Variants in MVB12B observed in about 807,000 individuals in gnomAD.
The protein encoded by MVB12B is multivesicular body subunit 12B, also known as ESCRT-I complex subunit MVB12B.
A neutral mutation model predicts 41.6 loss-of-function variants in MVB12B; 16 were observed. That is an observed-to-expected ratio of 0.38 (90% CI 0.26 to 0.58). MVB12B has a LOEUF of 0.58. Among genes scored for constraint, MVB12B ranks in the 20% least tolerant of loss-of-function variants. The probability of loss-of-function intolerance (pLI) is 0.62; values close to 1 mark genes in which losing one functional copy is unlikely to be tolerated. For missense variants in MVB12B, 274 were observed against 380.2 expected, an observed-to-expected ratio of 0.72 and a Z score of 2.32; for synonymous variants, 133 against 139.7, an observed-to-expected ratio of 0.95 and a Z score of 0.34.
At chr9:126,414,609 C>A (rs1248262526) in intron 6 of MVB12B, among the ~76,000 whole-genome samples, 1 of 152,164 alleles carries the variant, frequency 6.6e-6, no homozygotes, top group Non-Finnish European at 1.5e-5. Flanking sequence ...GCCAGAAGGC[C>A]TTCACCTCCT....
At chr9:126,387,776 G>GA (rs1356317782) in intron 4 of MVB12B, among the ~76,000 whole-genome samples, 3 of 152,102 alleles carry the variant, frequency 2.0e-5, no homozygotes, top group Non-Finnish European at 4.4e-5. Context: ...ATCTTCAGAA[G>GA]ACCCCTCTTT....
chr9:126,416,690 C>T (rs997100712), intron 6 of MVB12B, among the ~76,000 whole-genome samples: 4 of 152,196 alleles, frequency 2.6e-5, no homozygotes, highest in African/African-American at 7.2e-5. Flanking sequence ...ACCTAGCTTT[C>T]CCTTCATCAG....
intron 9 of MVB12B, among the ~76,000 whole-genome samples, chr9:126,491,680 C>T (rs181458242): frequency 1.3e-3 from 201 of 152,266 alleles, no homozygotes; most frequent in African/African-American, 4.7e-3. Context: ...AGTCTGCTCC[C>T]TTTAATATAT....
At chr9:126,431,339 A>G (rs1338334913) in intron 7 of MVB12B, among the ~76,000 whole-genome samples, 2 of 152,184 alleles carry the variant, frequency 1.3e-5, no homozygotes, top group African/African-American at 4.8e-5. Flanking sequence ...TGACAGAATG[A>G]TGGCTTGGGG....
At chr9:126,417,012 G>A (rs1376153928) in intron 6 of MVB12B, among the ~76,000 whole-genome samples, 3 of 152,200 alleles carry the variant, frequency 2.0e-5, no homozygotes, top group Non-Finnish European at 4.4e-5. Context: ...GGCCCAAACT[G>A]TTCATTCTCA....
At position 126,340,755 on chromosome 9, in the gene MVB12B, G is replaced by A. The variant is rs1829424004; in HGVS notation, c.204+125G>A. 2 of 1,172,606 alleles carry A rather than the reference G, an allele frequency of 1.7e-6. No individual in the cohort carries two copies. The highest frequency in any genetic ancestry group is 1.5e-5 in the African/African-American group (1 of 65,124). The allele number at this position is 1,172,606 out of a possible 1,614,324, so 72.6% of individuals were successfully genotyped here. ...CTTCCCTCTAGGAACTTAATCCAGGGAGGGCGTGGAGAGCATCCTGGTTTG... is the reference window on the plus strand; with the variant it reads ...CTTCCCTCTAGGAACTTAATCCAGGAAGGGCGTGGAGAGCATCCTGGTTTG... On this transcript the variant is annotated intron_variant, in intron 2 of 9. Coordinates refer to ENST00000361171, the MANE Select transcript of MVB12B (RefSeq NM_033446.3). This position sits in a 1 kb window ranked among gnomAD's most constrained non-coding sequence, Gnocchi z 4.0.
intron 1 of MVB12B, among the ~76,000 whole-genome samples, chr9:126,331,404 C>A (rs773613437): frequency 2.6e-5 from 4 of 152,142 alleles, no homozygotes; most frequent in Non-Finnish European, 2.9e-5. Flanking sequence ...GTTGGCTATT[C>A]GTATATTGTC....
At chr9:126,402,250 A>T (rs912832797) in intron 6 of MVB12B, among the ~76,000 whole-genome samples, 3 of 152,118 alleles carry the variant, frequency 2.0e-5, no homozygotes, top group African/African-American at 7.2e-5. Flanking sequence ...ATAAATTGTG[A>T]CATGGATTTT....
chr9:126,438,408 A>T (rs1170368273), intron 7 of MVB12B, among the ~76,000 whole-genome samples: 1 of 152,182 alleles, frequency 6.6e-6, no homozygotes, highest in Non-Finnish European at 1.5e-5. Context: ...GTATCCAAAA[A>T]AAAAAAGTCT....
At chr9:126,458,792 C>G (rs368891056) in intron 7 of MVB12B, among the ~76,000 whole-genome samples, 1 of 152,098 alleles carries the variant, frequency 6.6e-6, no homozygotes, top group Non-Finnish European at 1.5e-5. Flanking sequence ...CAGGGAAGCA[C>G]AGAAAGGTTC....
intron 6 of MVB12B, among the ~76,000 whole-genome samples, chr9:126,411,715 T>C (rs1017003896): frequency 6.6e-6 from 1 of 151,880 alleles, no homozygotes; most frequent in Non-Finnish European, 1.5e-5. Context: ...CTCCCTGAGG[T>C]TGGCTCCAAA....
intron 2 of MVB12B, among the ~76,000 whole-genome samples, chr9:126,377,642 T>C (rs1381903405): frequency 6.6e-6 from 1 of 152,070 alleles, no homozygotes; most frequent in Non-Finnish European, 1.5e-5. Flanking sequence ...TCAGGCATTG[T>C]GCTTGGCACA....
At position 126,376,741 on chromosome 9, in the gene MVB12B, G is replaced by C; in HGVS notation, c.205-4323G>C. Reference sequence around the variant, plus strand: ...TGCACCTCCTCCCCCACCTCCTCCTGACCTCCAGCCTCCTTCCCCACCTGC... The same window carrying C: ...TGCACCTCCTCCCCCACCTCCTCCTCACCTCCAGCCTCCTTCCCCACCTGC... On this transcript the variant is annotated intron_variant, in intron 2 of 9. Coordinates refer to ENST00000361171, the MANE Select transcript of MVB12B (RefSeq NM_033446.3). The surrounding 1 kb of genome is among the most constrained non-coding windows in gnomAD (Gnocchi z 4.1). 2 of 1,238,122 alleles carry C rather than the reference G, an allele frequency of 1.6e-6. No homozygotes were observed. Among genetic ancestry groups the C allele is most frequent in the Non-Finnish European group, 2.1e-6 (2 of 959,876 alleles). 76.7% of individuals were successfully genotyped at this position (1,238,122 alleles called of 1,614,324 possible).
chr9:126,439,236 G>T (rs533148179), intron 7 of MVB12B, among the ~76,000 whole-genome samples: 7 of 152,048 alleles, frequency 4.6e-5, no homozygotes, highest in Non-Finnish European at 1.0e-4. Context: ...TGGGAGCTCT[G>T]AGAGCTCTGG....
rs932134134 is a variant in MVB12B at position 126,459,714 on chromosome 9, T to A, written c.758-21655T>A. 3.9e-5 allele frequency among the ~76,000 whole-genome samples: 6 copies of A among 151,964 alleles called. No homozygotes were observed. The highest frequency in any genetic ancestry group is 8.8e-5 in the Non-Finnish European group (6 of 67,988). On this transcript the variant is annotated intron_variant, in intron 7 of 9. Coordinates refer to ENST00000361171, the MANE Select transcript of MVB12B (RefSeq NM_033446.3). The surrounding 1 kb of genome is among the most constrained non-coding windows in gnomAD (Gnocchi z 4.3). ...CTTCTGGATGTGGGGCAGCTTGGAG[T>A]GCGCAGTTGTTACAGCGCTCACAGG...
rs770377005 is a variant in MVB12B at position 126,392,186 on chromosome 9, C to T, written c.530C>T (p.Thr177Met). The T allele has an allele frequency of 3.3e-5, 53 of 1,614,014 alleles. No homozygotes were observed. In the Admixed American group the frequency reaches 7.2e-4, roughly 22 times the overall value. ...ACCAAGCAGGCCCCGCCTCAGTACA[C>T]GTTTATTGGGTGAGTCTTAATAACA... ...GRTKQAPPQY[T>M]FIGELNSMGI... Residue 177 changes from threonine to methionine, a missense_variant, in exon 5 of 10, where the codon ACG becomes ATG. Thr to Met is a moderately conservative substitution (Grantham distance 81). Coordinates refer to ENST00000361171, the MANE Select transcript of MVB12B (RefSeq NM_033446.3). The surrounding 1 kb of genome is among the most constrained non-coding windows in gnomAD (Gnocchi z 4.8).
intron 2 of MVB12B, among the ~76,000 whole-genome samples, chr9:126,342,744 A>G (rs1248498810): frequency 1.3e-5 from 2 of 152,132 alleles, no homozygotes; most frequent in African/African-American, 4.8e-5. Context: ...CCCCAAGTTC[A>G]AGGAAGGCGG....
intron 7 of MVB12B, among the ~76,000 whole-genome samples, chr9:126,437,813 G>A (rs1027451034): frequency 6.6e-6 from 1 of 152,186 alleles, no homozygotes; most frequent in Non-Finnish European, 1.5e-5. Context: ...CAGATGGCGT[G>A]TACTGATTAT....
chr9:126,466,112 G>A (rs547911290), intron 7 of MVB12B, among the ~76,000 whole-genome samples: 8 of 152,322 alleles, frequency 5.3e-5, no homozygotes, highest in Non-Finnish European at 7.3e-5. Flanking sequence ...CCAACATTTA[G>A]AATTTCTCAT....
Sources: allele counts gnomAD v4.1 joint callset (sites outside exome capture counted in the v4.1 genomes callset), GRCh38; gene constraint gnomAD v4.1.1; non-coding constraint Gnocchi (gnomAD v3.1); transcripts MANE v1.5; gene names NCBI Gene and HGNC (gene_info 2026-07-23, HGNC 2026-07-21).